MB21D2: variants seen among roughly 807,000 people sequenced by gnomAD.
The protein encoded by MB21D2 is Mab-21 domain containing 2, also known as nucleotidyltransferase MB21D2.
MB21D2 carries 9 observed loss-of-function variants against 33.3 expected under a neutral mutation model. The ratio of observed to expected loss-of-function variants is 0.27; its 90% CI spans 0.16 to 0.47. The LOEUF is 0.47. MB21D2 is among the 20% of genes least tolerant of loss of function. MB21D2 has a pLI of 0.99. For missense variants in MB21D2, 540 were observed against 624.6 expected, an observed-to-expected ratio of 0.86 and a Z score of 1.44; for synonymous variants, 241 against 236.3, an observed-to-expected ratio of 1.02 and a Z score of -0.18.
At chr3:192,887,573 C>G (rs1164962762) in intron 1 of MB21D2, among the ~76,000 whole-genome samples, 1 of 151,940 alleles carries the variant, frequency 6.6e-6, no homozygotes, top group Non-Finnish European at 1.5e-5. Flanking sequence ...CTAAAATAAT[C>G]CACGGTGGGG....
intron 1 of MB21D2, among the ~76,000 whole-genome samples, chr3:192,838,943 C>T (rs772036318): frequency 1.2e-4 from 19 of 152,168 alleles, no homozygotes; most frequent in Non-Finnish European, 2.5e-4. Context: ...AGCAGAGGCA[C>T]ATAGTGTACT....
At chr3:192,897,771 C>T (rs1714009521) in intron 1 of MB21D2, among the ~76,000 whole-genome samples, 3 of 152,058 alleles carry the variant, frequency 2.0e-5, no homozygotes, top group Admixed American at 6.6e-5. Context: ...GCAGGAGGAT[C>T]ACTTGAGCCC....
intron 1 of MB21D2, among the ~76,000 whole-genome samples, chr3:192,904,173 T>A (rs1174838994): frequency 6.6e-6 from 1 of 152,134 alleles, no homozygotes; most frequent in African/African-American, 2.4e-5. Context: ...TTTCAAACGT[T>A]TTCCCATTCA....
chr3:192,888,514 G>C (rs1297290623), intron 1 of MB21D2, among the ~76,000 whole-genome samples: 1 of 152,028 alleles, frequency 6.6e-6, no homozygotes, highest in African/African-American at 2.4e-5. Context: ...ACAAAATACA[G>C]TTATTTCCTC....
rs141975733 is a variant in MB21D2 at position 192,883,120 on chromosome 3, G to A, written c.211+34510C>T. Among the ~76,000 whole-genome samples the A allele has an allele frequency of 6.2e-3, 947 of 151,980 alleles. 23 individuals carry two copies. The highest frequency in any genetic ancestry group is 0.022 in the African/African-American group (908 of 41,380). On this transcript the variant is annotated intron_variant, in intron 1 of 1. Coordinates refer to ENST00000392452, the MANE Select transcript of MB21D2 (RefSeq NM_178496.4). Reference sequence around the variant, plus strand: ...TGATCTCAGGTAATCCACCCGTCTCGGCCTCCCAAAGTGCTGGGACGACAG... The same window carrying A: ...TGATCTCAGGTAATCCACCCGTCTCAGCCTCCCAAAGTGCTGGGACGACAG...
At position 192,824,788 on chromosome 3, in the gene MB21D2, A is replaced by C. The variant is rs78823034; in HGVS notation, c.212-25138T>G. Among the ~76,000 whole-genome samples, 546 of 152,230 alleles carry C rather than the reference A, an allele frequency of 3.6e-3. 2 individuals are homozygous for C. Among genetic ancestry groups the C allele is most frequent in the African/African-American group, 9.0e-3 (372 of 41,522 alleles). ...CCATTCATTCTTCAAAAATCACTCCAATTTATTTCCACTTCATGTTCCTAC... is the reference window on the plus strand; with the variant it reads ...CCATTCATTCTTCAAAAATCACTCCCATTTATTTCCACTTCATGTTCCTAC... On this transcript the variant is annotated intron_variant, in intron 1 of 1. Coordinates refer to ENST00000392452, the MANE Select transcript of MB21D2 (RefSeq NM_178496.4).
chr3:192,853,454 A>AC (rs1343768604), intron 1 of MB21D2, among the ~76,000 whole-genome samples: 1 of 152,210 alleles, frequency 6.6e-6, no homozygotes, highest in Non-Finnish European at 1.5e-5. Context: ...ATAATGCCTT[A>AC]CTGTGCCCCT....
chr3:192,858,054 G>C (rs373696631), intron 1 of MB21D2, among the ~76,000 whole-genome samples: 17 of 152,270 alleles, frequency 1.1e-4, no homozygotes, highest in African/African-American at 4.1e-4. Flanking sequence ...GAACCCAGGA[G>C]ATGGAGGTTG....
intron 1 of MB21D2, among the ~76,000 whole-genome samples, chr3:192,810,885 G>C (rs138178708): frequency 0.062 from 9,336 of 149,854 alleles, 390 homozygotes; most frequent in Middle Eastern, 0.12. Flanking sequence ...GTATGCTTGT[G>C]TGTGTGTGTG....
intron 1 of MB21D2, among the ~76,000 whole-genome samples, chr3:192,854,705 G>T (rs554620264): frequency 6.6e-6 from 1 of 152,324 alleles, no homozygotes; most frequent in South Asian, 2.1e-4. Context: ...CTTGTTAGAA[G>T]CTAATGCAGC....
At chr3:192,870,982 CATT>C (rs1480780011) in intron 1 of MB21D2, among the ~76,000 whole-genome samples, 3 of 152,200 alleles carry the variant, frequency 2.0e-5, no homozygotes, top group East Asian at 1.9e-4. Context: ...CTCAACCACA[CATT>C]GTTGTTGTCA....
At chr3:192,837,547 C>T (rs1321741723) in intron 1 of MB21D2, among the ~76,000 whole-genome samples, 2 of 152,128 alleles carry the variant, frequency 1.3e-5, no homozygotes, top group African/African-American at 2.4e-5. Context: ...GGGAGAGAAC[C>T]GAATGGAGGA....
At position 192,851,491 on chromosome 3, in the gene MB21D2, G is replaced by GTTTTT. The variant is rs34763701; in HGVS notation, c.212-51846_212-51842dup. Reference sequence around the variant, plus strand: ...TAAATTGTACACTTTTTTTTTGTCTGTTTTTTTTTTTTTTTTTTTTGGAGA... The same window carrying GTTTTT: ...TAAATTGTACACTTTTTTTTTGTCTGTTTTTTTTTTTTTTTTTTTTTTTTTGGAGA... On this transcript the variant is annotated intron_variant, in intron 1 of 1. Coordinates refer to ENST00000392452, the MANE Select transcript of MB21D2 (RefSeq NM_178496.4). 1.2e-3 allele frequency among the ~76,000 whole-genome samples: 119 copies of GTTTTT among 97,584 alleles called. 1 individual carries two copies. Among genetic ancestry groups the GTTTTT allele is most frequent in the Middle Eastern group, 7.7e-3 (1 of 130 alleles). 64.0% of individuals were successfully genotyped at this position (97,584 alleles called of 152,430 possible).
intron 1 of MB21D2, among the ~76,000 whole-genome samples, chr3:192,881,106 T>A (rs1208064661): frequency 1.3e-5 from 2 of 152,150 alleles, no homozygotes; most frequent in Non-Finnish European, 2.9e-5. Context: ...CAGAAAGATT[T>A]TGCTTTCATC....
At chr3:192,880,192 A>C (rs1713529115) in intron 1 of MB21D2, among the ~76,000 whole-genome samples, 1 of 151,824 alleles carries the variant, frequency 6.6e-6, no homozygotes. Context: ...AAAATACAAA[A>C]AAAAATTAGC....
Position 192,878,169 on chromosome 3 carries a change from G to A in MB21D2, c.211+39461C>T, listed in dbSNP as rs574674146. On this transcript the variant is annotated intron_variant, in intron 1 of 1. Coordinates refer to ENST00000392452, the MANE Select transcript of MB21D2 (RefSeq NM_178496.4). Reference sequence around the variant, plus strand: ...GGCTGGAGTGCAGTGGCGCAATCTCGGCTCACTGCAAGCTCCGCCTCGCGG... The same window carrying A: ...GGCTGGAGTGCAGTGGCGCAATCTCAGCTCACTGCAAGCTCCGCCTCGCGG... Among the ~76,000 whole-genome samples, 9 of 143,724 alleles carry A rather than the reference G, an allele frequency of 6.3e-5. No homozygotes were observed. In the South Asian group the frequency reaches 1.3e-3, roughly 20 times the overall value. The allele number at this position is 143,724 out of a possible 152,430, so 94.3% of individuals were successfully genotyped here. A position where few individuals can be genotyped will look rare whatever the true frequency, so the allele number is the denominator to read the frequency against.
chr3:192,866,155 A>G (rs1199434976), intron 1 of MB21D2, among the ~76,000 whole-genome samples: 1 of 152,130 alleles, frequency 6.6e-6, no homozygotes, highest in Non-Finnish European at 1.5e-5. Context: ...GTACCAACAG[A>G]TTTTTCTTCT....
At chr3:192,889,547 T>C (rs1307616601) in intron 1 of MB21D2, among the ~76,000 whole-genome samples, 1 of 152,066 alleles carries the variant, frequency 6.6e-6, no homozygotes, top group Non-Finnish European at 1.5e-5. Flanking sequence ...CTGCAGCCTC[T>C]AGGGAAATTA....
chr3:192,826,761 G>A (rs1248950053), intron 1 of MB21D2, among the ~76,000 whole-genome samples: 1 of 152,172 alleles, frequency 6.6e-6, no homozygotes, highest in African/African-American at 2.4e-5. Context: ...AGGTCTCCGG[G>A]TGGTTGGAGC....
Sources: allele counts gnomAD v4.1 joint callset (sites outside exome capture counted in the v4.1 genomes callset), GRCh38; gene constraint gnomAD v4.1.1; transcripts MANE v1.5; gene names NCBI Gene and HGNC (gene_info 2026-07-23, HGNC 2026-07-21).